LMTK2: variants seen among roughly 807,000 people sequenced by gnomAD.
LMTK2 encodes serine/threonine-protein kinase LMTK2.
In LMTK2, 37 loss-of-function variants were observed where a neutral mutation model predicts 127.5. The ratio of observed to expected loss-of-function variants is 0.29; its 90% confidence interval spans 0.22 to 0.38. The LOEUF (loss-of-function observed/expected upper bound fraction) is 0.38. Among genes scored for constraint, LMTK2 ranks in the 10% least tolerant of loss-of-function variants. The pLI is 1.00. For missense variants in LMTK2, 1,694 were observed against 1,920.3 expected (o/e 0.88, Z 2.20); for synonymous variants, 819 against 810.1 (o/e 1.01, Z -0.19).
intron 2 of LMTK2, 80 bp downstream of exon 2, chr7:98,137,522 G>A (rs966814188): frequency 1.3e-5 from 18 of 1,376,724 alleles, no homozygotes; most frequent in Non-Finnish European, 1.6e-5. Context: ...ACAGTCCTTT[G>A]GGAACAGGAT....
rs537382207 is a variant in LMTK2, at chr7:98,208,206, TG to T, written c.*2720del. On this transcript the variant is annotated 3_prime_UTR_variant, in exon 14 of 14. Coordinates refer to ENST00000297293, the MANE Select transcript of LMTK2 (RefSeq NM_014916.4). ...CAAAAAAGCATTTTATACATTGAGT[TG>T]GGGGGTAGTGGATCTTAGTGTGGTG... 15 of 152,122 alleles carry T rather than the reference TG, an allele frequency of 9.9e-5. No homozygotes were observed. Among genetic ancestry groups the T allele is most frequent in the Non-Finnish European group, 2.2e-4 (15 of 68,018 alleles). The allele number at this position is 152,122 out of a possible 1,614,324, so 9.4% of individuals were successfully genotyped here. A position where few individuals can be genotyped will look rare whatever the true frequency, so the allele number is the denominator to read the frequency against.
At chr7:98,203,379 C>T (rs1233139134) in intron 11 of LMTK2, among the ~76,000 whole-genome samples, 195 bp from the exon 12 acceptor site, 1 of 152,222 alleles carries the variant, frequency 6.6e-6, no homozygotes, top group African/African-American at 2.4e-5. Flanking sequence ...ATGCCTCTGC[C>T]GAGGTCAGAG....
At chr7:98,185,679 G>A (rs570191591) in intron 8 of LMTK2, among the ~76,000 whole-genome samples, 11 of 152,132 alleles carry the variant, frequency 7.2e-5, no homozygotes, top group African/African-American at 2.4e-4. Flanking sequence ...TCCCAGCTCC[G>A]GGCTGTCAGG....
At position 98,108,856 on chromosome 7, in the gene LMTK2, C is replaced by CTTTTT. The variant is rs11345679; in HGVS notation, c.103+1593_103+1597dup. ...ATAGGAACCTATGTCTGCCTGCACA[C>CTTTTT]TTTTTTTTTTTTTTTTTTTTTGAGA... is the stretch of plus-strand genomic sequence containing the variant. On this transcript the variant is annotated intron_variant, in intron 1 of 13. Coordinates refer to ENST00000297293, the MANE Select transcript of LMTK2 (RefSeq NM_014916.4). Among the ~76,000 whole-genome samples, 4 of 100,778 alleles carry CTTTTT rather than the reference C, an allele frequency of 4.0e-5. 1 individual carries two copies. Among genetic ancestry groups the CTTTTT allele is most frequent in the Non-Finnish European group, 4.0e-5 (2 of 50,346 alleles). The allele number at this position is 100,778 out of a possible 152,430, so 66.1% of individuals were successfully genotyped here. A position where few individuals can be genotyped will look rare whatever the true frequency, so the allele number is the denominator to read the frequency against.
intron 1 of LMTK2, among the ~76,000 whole-genome samples, chr7:98,126,202 T>C (rs1161645729): frequency 6.6e-6 from 1 of 152,202 alleles, no homozygotes; most frequent in Non-Finnish European, 1.5e-5. Flanking sequence ...TTCAGCTGTA[T>C]TGTGCAGAAG....
chr7:98,200,735 CTT>C (rs1315187517), intron 11 of LMTK2, among the ~76,000 whole-genome samples: 1 of 152,158 alleles, frequency 6.6e-6, no homozygotes, highest in East Asian at 1.9e-4. Context: ...CTCCTGCAGA[CTT>C]TCAGTCATCT....
intron 2 of LMTK2, among the ~76,000 whole-genome samples, chr7:98,140,077 ACTTT>A (rs1197009143): frequency 0.053 from 1,256 of 23,730 alleles, 278 homozygotes; most frequent in Non-Finnish European, 0.11. Flanking sequence ...GGTTTCCACA[ACTTT>A]CTTTCTTTCT....
chr7:98,182,233 A>G (rs1462800745), intron 7 of LMTK2, among the ~76,000 whole-genome samples: 1 of 152,242 alleles, frequency 6.6e-6, no homozygotes, highest in Non-Finnish European at 1.5e-5. Flanking sequence ...ACAAGCAACA[A>G]CAACATAGAA....
chr7:98,204,723 C>G (rs1442991359), intron 13 of LMTK2, among the ~76,000 whole-genome samples: 3 of 152,262 alleles, frequency 2.0e-5, no homozygotes, highest in African/African-American at 7.2e-5. Context: ...ACCGGCCACC[C>G]TGTGGGGCCA....
intron 1 of LMTK2, among the ~76,000 whole-genome samples, chr7:98,114,447 A>G (rs1459762908): frequency 6.6e-6 from 1 of 151,390 alleles, no homozygotes; most frequent in African/African-American, 2.4e-5. Flanking sequence ...ATCTCACTAT[A>G]TTGCCCAGGC....
At position 98,141,915 on chromosome 7, in the gene LMTK2, G is replaced by A. The variant is rs540042093; in HGVS notation, c.376+374G>A. 3.0e-4 allele frequency among the ~76,000 whole-genome samples: 46 copies of A among 152,270 alleles called. 1 individual carries two copies. The South Asian group carries it at 8.9e-3, about 30-fold the overall frequency. ...GATGCCCTGCATTTGGGTAGGAGAG[G>A]AAAGTTTGGATATGTTAATCAGATT... is the stretch of plus-strand genomic sequence containing the variant. On this transcript the variant is annotated intron_variant, in intron 3 of 13. Transcript: ENST00000297293.
At chr7:98,160,993 T>C (rs1332909067) in intron 6 of LMTK2, among the ~76,000 whole-genome samples, 2 of 152,210 alleles carry the variant, frequency 1.3e-5, no homozygotes, top group Non-Finnish European at 2.9e-5. Context: ...CTCTTGTAAA[T>C]AGTTTGTTGT....
In LMTK2 at chr7:98,192,197, A is replaced by G; in HGVS notation, c.1732A>G (p.Asn578Asp). 2 of 1,523,850 alleles carry G rather than the reference A, an allele frequency of 1.3e-6. No individual in the cohort carries two copies. The highest frequency in any genetic ancestry group is 1.3e-5 in the South Asian group (1 of 75,050). The allele number at this position is 1,523,850 out of a possible 1,614,324, so 94.4% of individuals were successfully genotyped here. Residue 578 changes from asparagine to aspartate, a missense_variant, in exon 11 of 14, where the codon AAT becomes GAT. Transcript: ENST00000297293. Reference protein sequence around the residue: ...PPALLTTDMDNPERTGPELSQ... With the variant: ...PPALLTTDMDDPERTGPELSQ... The stretch of plus-strand genomic sequence containing the variant: ...AGCGCTGCTCACAACCGACATGGAT[A>G]ATCCAGAAAGGACTGGCCCTGAACT...
chr7:98,182,516 T>C (rs1028659415), intron 7 of LMTK2, among the ~76,000 whole-genome samples: 9 of 152,166 alleles, frequency 5.9e-5, no homozygotes, highest in African/African-American at 1.9e-4. Context: ...AAAATCCAAG[T>C]CAATTTCCCA....
At chr7:98,164,572 A>C (rs1426252311) in intron 6 of LMTK2, among the ~76,000 whole-genome samples, 1 of 152,230 alleles carries the variant, frequency 6.6e-6, no homozygotes, top group African/African-American at 2.4e-5. Flanking sequence ...GGCCATTTTT[A>C]GTTACTAAAA....
chr7:98,200,912 A>G (rs1328964568), intron 11 of LMTK2, among the ~76,000 whole-genome samples: 1 of 151,508 alleles, frequency 6.6e-6, no homozygotes, highest in Non-Finnish European at 1.5e-5. Context: ...AGGATGTGGA[A>G]CTCTCTGATC....
rs1242078493 is a variant in LMTK2, at chr7:98,194,465, T to C, written c.4000T>C (p.Leu1334=). ...GGACGGAAGGCACCTGCGGAGTCTG[T>C]TGAAGCCCACAGCGGCCAATGCCCC... ...NEDGRHLRSL[L]KPTAANAPDP... Residue 1334 remains leucine (L), a synonymous_variant, in exon 11 of 14, where the codon TTG becomes CTG. Coordinates refer to ENST00000297293, the MANE Select transcript of LMTK2 (RefSeq NM_014916.4). This position sits in a 1 kb window ranked among gnomAD's most constrained non-coding sequence, Gnocchi z 5.4. 1 of 1,614,048 alleles carries C rather than the reference T, an allele frequency of 6.2e-7. No individual in the cohort carries two copies. Among genetic ancestry groups the C allele is most frequent in the East Asian group, 2.2e-5 (1 of 44,862 alleles).
At chr7:98,184,244 A>G (rs1482899143) in intron 7 of LMTK2, among the ~76,000 whole-genome samples, 3 of 152,144 alleles carry the variant, frequency 2.0e-5, no homozygotes, top group Non-Finnish European at 2.9e-5. Context: ...GGGAGGTCGT[A>G]TAAGAGGCCA....
chr7:98,158,412 C>T (rs912534649), intron 5 of LMTK2, among the ~76,000 whole-genome samples: 1 of 152,164 alleles, frequency 6.6e-6, no homozygotes, highest in African/African-American at 2.4e-5. Context: ...GGAGCTGGGA[C>T]CACAGTTGCG....
Sources: gnomAD v4.1 joint callset for allele counts (sites outside exome capture counted in the v4.1 genomes callset) on GRCh38, gnomAD v4.1.1 for gene constraint, Gnocchi (gnomAD v3.1) non-coding constraint, MANE v1.5 for transcripts, NCBI Gene and HGNC (gene_info 2026-07-23, HGNC 2026-07-21) for gene names.